ZNF385D: variants seen among roughly 807,000 people sequenced by gnomAD.
ZNF385D encodes the protein zinc finger protein 385D.
In ZNF385D, 15 loss-of-function variants were observed where a neutral mutation model predicts 35.8. The observed-to-expected ratio is 0.42, with a 90% CI of 0.28 to 0.64. ZNF385D has a LOEUF of 0.64. Ranked by LOEUF, ZNF385D falls within the 30% of genes least tolerant of loss-of-function variation. The pLI is 0.23. For synonymous variants in ZNF385D, 212 were observed against 186.8 expected (o/e 1.13, Z -1.10); for missense variants, 474 against 494.6 (o/e 0.96, Z 0.39).
intron 2 of ZNF385D, among the ~76,000 whole-genome samples, chr3:21,656,021 T>C (rs2066061396): frequency 1.3e-5 from 2 of 151,972 alleles, no homozygotes; most frequent in Non-Finnish European, 2.9e-5. Flanking sequence ...TTTACTTCCT[T>C]GGTTCATAAG....
At chr3:21,841,908 A>G (rs1051113863) in intron 3 of ZNF385D, among the ~76,000 whole-genome samples, 40 of 151,740 alleles carry the variant, frequency 2.6e-4, no homozygotes, top group Non-Finnish European at 4.7e-4. Context: ...AGAAATACAT[A>G]CATATATGTA....
intron 2 of ZNF385D, among the ~76,000 whole-genome samples, chr3:21,598,747 T>A (rs2064196446): frequency 6.6e-6 from 1 of 152,226 alleles, no homozygotes; most frequent in Non-Finnish European, 1.5e-5. Flanking sequence ...GGACTTGATA[T>A]GGGAATGCTA....
At chr3:21,970,891 G>T (rs1404116849) in intron 3 of ZNF385D, among the ~76,000 whole-genome samples, 1 of 151,966 alleles carries the variant, frequency 6.6e-6, no homozygotes, top group Non-Finnish European at 1.5e-5. Flanking sequence ...AACTTTACAG[G>T]CCAGGAGAGA....
intron 3 of ZNF385D, among the ~76,000 whole-genome samples, chr3:21,788,603 C>T (rs1213272795): frequency 6.6e-6 from 1 of 152,200 alleles, no homozygotes; most frequent in African/African-American, 2.4e-5. Flanking sequence ...GTTAGGCCAT[C>T]AGTAAGAAAA....
intron 2 of ZNF385D, among the ~76,000 whole-genome samples, chr3:21,595,977 C>G (rs2125746832): frequency 6.6e-6 from 1 of 152,296 alleles, no homozygotes; most frequent in South Asian, 2.1e-4. Flanking sequence ...ACTTAAGTCT[C>G]TTTAATCTAG....
Position 21,999,457 on chromosome 3 carries a change from G to C in ZNF385D, c.325+169360C>G, listed in dbSNP as rs1323505240. 4.6e-5 allele frequency among the ~76,000 whole-genome samples: 7 copies of C among 151,876 alleles called. No individual in the cohort carries two copies. The East Asian group carries it at 1.2e-3, about 25-fold the overall frequency. On this transcript the variant is annotated intron_variant, in intron 3 of 5. Transcript: ENST00000494108. Reference sequence around the variant, plus strand: ...TGCGAGTAAAATTCTTCAAAATTAAGAGAAAAAAATCAGCCAACACCAACA... The same window carrying C: ...TGCGAGTAAAATTCTTCAAAATTAACAGAAAAAAATCAGCCAACACCAACA...
chr3:22,029,708 G>A lies in ZNF385D; in HGVS notation c.325+139109C>T, dbSNP rs571663979. On this transcript the variant is annotated intron_variant, in intron 3 of 5. Coordinates refer to the ZNF385D transcript ENST00000494108. ...TGACTTCATATCACATTTAAGTGTT[G>A]TTAACTTTCTGTAATAGTATTTGGG... Among the ~76,000 whole-genome samples the A allele has an allele frequency of 2.6e-5, 4 of 152,150 alleles. No homozygotes were observed. The South Asian group carries it at 6.2e-4, about 24-fold the overall frequency.
chr3:21,728,361 C>G (rs1416021861), intron 1 of ZNF385D, among the ~76,000 whole-genome samples: 1 of 151,786 alleles, frequency 6.6e-6, no homozygotes, highest in Non-Finnish European at 1.5e-5. Flanking sequence ...GGCATTTTAT[C>G]TACCAGACTC....
chr3:21,881,403 G>C (rs1327956244), intron 3 of ZNF385D, among the ~76,000 whole-genome samples: 1 of 151,886 alleles, frequency 6.6e-6, no homozygotes, highest in Non-Finnish European at 1.5e-5. Context: ...CTCTATAAAT[G>C]AAACAACAAA....
intron 2 of ZNF385D, among the ~76,000 whole-genome samples, chr3:22,196,824 C>A (rs1412980932): frequency 6.6e-6 from 1 of 152,022 alleles, no homozygotes; most frequent in Non-Finnish European, 1.5e-5. Context: ...CCTTACTGTA[C>A]TAACCTGCTT....
intron 4 of ZNF385D, chr3:21,443,336 G>C: frequency 1.0e-6 from 1 of 985,332 alleles, no homozygotes; most frequent in Non-Finnish European, 1.2e-6. Flanking sequence ...ACAAAGTGTG[G>C]AGTTGCTAGG....
chr3:21,935,720 C>A (rs1304575922), intron 3 of ZNF385D, among the ~76,000 whole-genome samples: 1 of 122,542 alleles, frequency 8.2e-6, no homozygotes, highest in Non-Finnish European at 1.7e-5. Context: ...AATCTCATCC[C>A]AAGGAGAGCA....
At chr3:21,810,231 G>T (rs1003836293) in intron 3 of ZNF385D, among the ~76,000 whole-genome samples, 10 of 152,192 alleles carry the variant, frequency 6.6e-5, no homozygotes, top group Middle Eastern at 6.8e-3. Flanking sequence ...CAAGGCCAAT[G>T]TAATATTTAA....
chr3:21,914,813 A>G (rs1041640758), intron 3 of ZNF385D, among the ~76,000 whole-genome samples: 4 of 152,074 alleles, frequency 2.6e-5, no homozygotes, highest in African/African-American at 9.7e-5. Flanking sequence ...TCTGAAAGAT[A>G]AAGTCTTTAT....
chr3:22,085,562 T>A (rs111372090), intron 3 of ZNF385D, among the ~76,000 whole-genome samples: 21,240 of 152,026 alleles, frequency 0.14, 1,596 homozygotes, highest in Non-Finnish European at 0.16. Context: ...AATAACAGGC[T>A]CTGAAATTGA....
intron 3 of ZNF385D, among the ~76,000 whole-genome samples, chr3:21,954,850 C>T (rs767198228): frequency 3.3e-5 from 5 of 152,012 alleles, no homozygotes; most frequent in Non-Finnish European, 7.4e-5. Context: ...ACAGCAACCA[C>T]TGAAAGTGAA....
chr3:22,291,597 ATTCTTT>A (rs1702305077), intron 2 of ZNF385D, among the ~76,000 whole-genome samples: 1 of 152,036 alleles, frequency 6.6e-6, no homozygotes, highest in South Asian at 2.1e-4. Context: ...GTTTTATACT[ATTCTTT>A]ACAACAGTTA....
chr3:21,909,290 G>A (rs766398618), intron 3 of ZNF385D, among the ~76,000 whole-genome samples: 1 of 152,072 alleles, frequency 6.6e-6, no homozygotes, highest in African/African-American at 2.4e-5. Context: ...GCTTCCTCCT[G>A]CCCCTTTTCT....
chr3:21,994,862 A>G (rs1447022713), intron 3 of ZNF385D, among the ~76,000 whole-genome samples: 1 of 152,200 alleles, frequency 6.6e-6, no homozygotes. Flanking sequence ...TGTTAGTGGA[A>G]GTGGTGGTAA....
Sources: gnomAD v4.1 joint callset for allele counts (sites outside exome capture counted in the v4.1 genomes callset) on GRCh38, gnomAD v4.1.1 for gene constraint, MANE v1.5 for transcripts, NCBI Gene and HGNC (gene_info 2026-07-23, HGNC 2026-07-21) for gene names.